Variants in GNA12 observed in about 807,000 individuals in gnomAD.
GNA12 encodes the protein G protein subunit alpha 12.
In GNA12, 9 loss-of-function variants were observed where a neutral mutation model predicts 26.0. The ratio of observed to expected loss-of-function variants is 0.35; its 90% CI spans 0.21 to 0.60. GNA12 has a LOEUF of 0.60. GNA12 is among the 20% of genes least tolerant of loss of function. GNA12 has a pLI of 0.78. For missense variants in GNA12, 405 were observed against 525.8 expected, an observed-to-expected ratio of 0.77 and a Z score of 2.25; for synonymous variants, 264 against 219.6, an observed-to-expected ratio of 1.20 and a Z score of -1.79.
rs947144321 is a variant in GNA12 at position 2,835,853 on chromosome 7, AT to A, written c.309+7999del. 5 of 607,926 alleles carry A rather than the reference AT, an allele frequency of 8.2e-6. No individual in the cohort carries two copies. In the African/African-American group the frequency reaches 9.3e-5, roughly 11 times the overall value. The allele number at this position is 607,926 out of a possible 1,614,324, so 37.7% of individuals were successfully genotyped here. A position where few individuals can be genotyped will look rare whatever the true frequency, so the allele number is the denominator to read the frequency against. Reference sequence around the variant, plus strand: ...CAAATCGGTGATGTCTTCATTAGCCATTCTCAAGAAGAAACACAGGAAATGT... The same window carrying A: ...CAAATCGGTGATGTCTTCATTAGCCATCTCAAGAAGAAACACAGGAAATGT... On this transcript the variant is annotated intron_variant, in intron 1 of 3. Transcript: ENST00000275364.
intron 2 of GNA12, among the ~76,000 whole-genome samples, chr7:2,743,611 A>G (rs555210506): frequency 7.0e-4 from 107 of 152,306 alleles, no homozygotes; most frequent in Non-Finnish European, 1.3e-3. Context: ...CAGCGTGAGC[A>G]ATGCAGAAGA....
At chr7:2,842,464 A>T (rs1429619741) in intron 1 of GNA12, among the ~76,000 whole-genome samples, 2 of 152,048 alleles carry the variant, frequency 1.3e-5, no homozygotes, top group Admixed American at 6.6e-5. Context: ...ATGCCCAACT[A>T]ATGTGTTCAT....
intron 1 of GNA12, among the ~76,000 whole-genome samples, chr7:2,816,822 T>C (rs745661869): frequency 6.6e-6 from 1 of 152,144 alleles, no homozygotes; most frequent in Non-Finnish European, 1.5e-5. Flanking sequence ...ATGATTACTG[T>C]CCCCATTTCA....
intron 2 of GNA12, among the ~76,000 whole-genome samples, chr7:2,746,999 A>T (rs1790796124): frequency 6.6e-6 from 1 of 152,116 alleles, no homozygotes; most frequent in Non-Finnish European, 1.5e-5. Context: ...TAGACCAATA[A>T]CAGGCTCTGA....
At chr7:2,734,226 G>A (rs540823417) in intron 2 of GNA12, among the ~76,000 whole-genome samples, 1 of 152,346 alleles carries the variant, frequency 6.6e-6, no homozygotes, top group South Asian at 2.1e-4. Flanking sequence ...CACGGGGCAC[G>A]GGAGGAGCCG....
intron 2 of GNA12, among the ~76,000 whole-genome samples, chr7:2,759,819 TTTC>T (rs1171852687): frequency 6.6e-6 from 1 of 152,170 alleles, no homozygotes; most frequent in Non-Finnish European, 1.5e-5. Context: ...CTCCAGGCAG[TTTC>T]TGCAACGGGT....
intron 2 of GNA12, among the ~76,000 whole-genome samples, chr7:2,771,713 T>C (rs111577616): frequency 0.011 from 1,708 of 152,308 alleles, 44 homozygotes; most frequent in African/African-American, 0.039. Context: ...GATGGCCACG[T>C]TCCCAATGTT....
chr7:2,814,918 T>C (rs961012756), intron 1 of GNA12: 2 of 1,595,718 alleles, frequency 1.3e-6, no homozygotes, highest in Admixed American at 1.7e-5. Flanking sequence ...CTGGGAAACA[T>C]TCTCCGTTTC....
At chr7:2,746,379 C>G (rs900234212) in intron 2 of GNA12, among the ~76,000 whole-genome samples, 1 of 152,176 alleles carries the variant, frequency 6.6e-6, no homozygotes, top group African/African-American at 2.4e-5. Flanking sequence ...CAAAACCGCT[C>G]AACTACATGG....
chr7:2,824,315 G>A (rs1236392993), intron 1 of GNA12, among the ~76,000 whole-genome samples: 3 of 152,130 alleles, frequency 2.0e-5, no homozygotes, highest in Non-Finnish European at 4.4e-5. Flanking sequence ...GTTAAGGCCC[G>A]CGTCTTCCCA....
intron 2 of GNA12, among the ~76,000 whole-genome samples, chr7:2,737,289 GTTTTT>G (rs11389467): frequency 9.6e-5 from 6 of 62,276 alleles, no homozygotes; most frequent in South Asian, 1.1e-3. Flanking sequence ...TTTTTTTTTT[GTTTTT>G]TTTTTTTTTT....
chr7:2,827,654 ACCAG>A (rs1240559446), intron 1 of GNA12, among the ~76,000 whole-genome samples: 1 of 152,186 alleles, frequency 6.6e-6, no homozygotes, highest in Non-Finnish European at 1.5e-5. Flanking sequence ...CTGCAGTGAC[ACCAG>A]GACATGACTT....
intron 2 of GNA12, among the ~76,000 whole-genome samples, chr7:2,766,843 C>G (rs776062101): frequency 4.6e-5 from 7 of 152,232 alleles, no homozygotes; most frequent in Non-Finnish European, 7.3e-5. Context: ...TGCCATTTTA[C>G]ATTCCCACCA....
chr7:2,762,627 A>C (rs764847511), intron 2 of GNA12: 5 of 1,574,288 alleles, frequency 3.2e-6, no homozygotes, highest in Non-Finnish European at 4.3e-6. Context: ...ATAAGACCCC[A>C]ATGCCATGAA....
At chr7:2,822,683 G>A (rs1298770787) in intron 1 of GNA12, among the ~76,000 whole-genome samples, 2 of 152,192 alleles carry the variant, frequency 1.3e-5, no homozygotes, top group African/African-American at 2.4e-5. Flanking sequence ...GTGGTGGTGC[G>A]TGCCTGTGGT....
intron 1 of GNA12, chr7:2,835,564 G>T (rs915682975): frequency 5.7e-6 from 3 of 522,344 alleles, no homozygotes; most frequent in Non-Finnish European, 1.1e-5. Flanking sequence ...CCGACAGGGA[G>T]CAAGAGCGCG....
At chr7:2,747,505 T>C (rs908667364) in intron 2 of GNA12, among the ~76,000 whole-genome samples, 6 of 152,202 alleles carry the variant, frequency 3.9e-5, no homozygotes, top group African/African-American at 7.2e-5. Context: ...AAATTAGGTA[T>C]TGATGGGACG....
At chr7:2,837,287 C>T (rs930453501) in intron 1 of GNA12, among the ~76,000 whole-genome samples, 1 of 152,162 alleles carries the variant, frequency 6.6e-6, no homozygotes, top group African/African-American at 2.4e-5. Context: ...CAGCAACGCC[C>T]AGAGGGGAGC....
rs558561560 is a variant in GNA12, at chr7:2,787,884, A to G, written c.525+7044T>C. Among the ~76,000 whole-genome samples the G allele has an allele frequency of 2.2e-4, 34 of 152,324 alleles. No individual in the cohort carries two copies. In the South Asian group the frequency reaches 6.8e-3, roughly 31 times the overall value. On this transcript the variant is annotated intron_variant, in intron 2 of 3. Transcript: ENST00000275364. ...AAAACAAATGCCAGGGCCGGGCACC[A>G]TGGCTCACGCCTGGAATCCCAGAGC...
Sources: allele counts gnomAD v4.1 joint callset (sites outside exome capture counted in the v4.1 genomes callset), GRCh38; gene constraint gnomAD v4.1.1; transcripts MANE v1.5; gene names NCBI Gene and HGNC (gene_info 2026-07-23, HGNC 2026-07-21).